The following EXOC4 variants were observed in gnomAD, a reference collection of about 807,000 sequenced individuals.
EXOC4 encodes the protein SEC8-like 1.
EXOC4 carries 71 observed loss-of-function variants against 107.2 expected under a neutral mutation model. The ratio of observed to expected loss-of-function variants is 0.66; its 90% CI spans 0.55 to 0.81. The LOEUF is 0.81. Among genes scored for constraint, EXOC4 ranks in the 30% least tolerant of loss-of-function variants. The pLI is 0.00. For missense variants in EXOC4, 1,108 were observed against 1,189.6 expected (o/e 0.93, Z 1.01); for synonymous variants, 456 against 441.2 (o/e 1.03, Z -0.42).
At chr7:133,873,594 G>A (rs140661250) in intron 11 of EXOC4, among the ~76,000 whole-genome samples, 3 of 152,148 alleles carry the variant, frequency 2.0e-5, no homozygotes, top group Admixed American at 1.3e-4. Flanking sequence ...GTGTTAAAAC[G>A]TCGCCATTAT....
At chr7:133,307,347 G>A (rs1191915834) in intron 4 of EXOC4, among the ~76,000 whole-genome samples, 1 of 152,178 alleles carries the variant, frequency 6.6e-6, no homozygotes, top group Non-Finnish European at 1.5e-5. Context: ...TACCTCAGCA[G>A]AGAGTGAAGT....
chr7:133,701,777 C>G (rs750120122), intron 10 of EXOC4, among the ~76,000 whole-genome samples: 3 of 151,888 alleles, frequency 2.0e-5, no homozygotes, highest in Non-Finnish European at 2.9e-5. Flanking sequence ...AGTCTAAATA[C>G]AAAATTCATT....
chr7:134,010,698 G>A (rs1283785114), intron 17 of EXOC4, among the ~76,000 whole-genome samples: 1 of 152,208 alleles, frequency 6.6e-6, no homozygotes, highest in East Asian at 1.9e-4. Flanking sequence ...CTATAGGAAT[G>A]TTATCTTCTA....
chr7:133,895,484 C>T, intron 11 of EXOC4, 115 bp from the exon 12 acceptor site: 2 of 1,066,844 alleles, frequency 1.9e-6, no homozygotes, highest in Admixed American at 2.0e-5. Flanking sequence ...CAAAATGTCA[C>T]ATTCTTGCAG....
chr7:133,997,154 C>T (rs1276642611), intron 14 of EXOC4, among the ~76,000 whole-genome samples: 1 of 152,186 alleles, frequency 6.6e-6, no homozygotes, highest in Non-Finnish European at 1.5e-5. Flanking sequence ...GATGGAGGCA[C>T]AGACCAGATG....
intron 9 of EXOC4, among the ~76,000 whole-genome samples, chr7:133,606,445 G>C (rs1385557631): frequency 1.3e-5 from 2 of 151,784 alleles, no homozygotes; most frequent in African/African-American, 4.8e-5. Context: ...TCCTAGAGCA[G>C]TTAGAATTAA....
chr7:133,356,721 C>A, intron 6 of EXOC4, 148 bp downstream of exon 6: 1 of 923,506 alleles, frequency 1.1e-6, no homozygotes, highest in Non-Finnish European at 1.6e-6. Flanking sequence ...TGGCTCACGC[C>A]TGTTATCCCA....
At chr7:133,527,885 T>C (rs1800110001) in intron 9 of EXOC4, among the ~76,000 whole-genome samples, 1 of 152,178 alleles carries the variant, frequency 6.6e-6, no homozygotes, top group Admixed American at 6.5e-5. Context: ...GGGGAGATAT[T>C]TACTGTTCAT....
At chr7:133,657,698 T>A (rs1337053151) in intron 10 of EXOC4, among the ~76,000 whole-genome samples, 3 of 152,148 alleles carry the variant, frequency 2.0e-5, no homozygotes, top group Non-Finnish European at 4.4e-5. Context: ...TCTCTGTGCA[T>A]CTTGTAATGG....
chr7:133,510,424 A>T (rs1799747470), intron 9 of EXOC4, among the ~76,000 whole-genome samples: 1 of 152,150 alleles, frequency 6.6e-6, no homozygotes, highest in South Asian at 2.1e-4. Flanking sequence ...GCTGCTGTGA[A>T]CATTGCTCTT....
chr7:133,884,916 A>G (rs547168701), intron 11 of EXOC4, among the ~76,000 whole-genome samples: 1 of 152,342 alleles, frequency 6.6e-6, no homozygotes, highest in African/African-American at 2.4e-5. Flanking sequence ...ATGAATTGCC[A>G]TTATAGAAAA....
At chr7:133,413,387 C>T (rs751369616) in intron 7 of EXOC4, among the ~76,000 whole-genome samples, 16 of 152,074 alleles carry the variant, frequency 1.1e-4, no homozygotes, top group Non-Finnish European at 2.1e-4. Context: ...TTCTTGGGAC[C>T]AATGTAGATA....
intron 7 of EXOC4, among the ~76,000 whole-genome samples, chr7:133,413,828 C>G (rs1391502450): frequency 3.9e-5 from 6 of 152,016 alleles, no homozygotes; most frequent in Non-Finnish European, 8.8e-5. Flanking sequence ...CCTGGTTTGG[C>G]CCATAGTGAC....
intron 10 of EXOC4, among the ~76,000 whole-genome samples, chr7:133,689,771 G>T (rs1794381138): frequency 6.6e-6 from 1 of 152,222 alleles, no homozygotes; most frequent in Non-Finnish European, 1.5e-5. Context: ...AGAGGGCTCA[G>T]AGGAGCCAGA....
At chr7:134,057,024 T>A (rs1418368056) in intron 17 of EXOC4, among the ~76,000 whole-genome samples, 2 of 152,100 alleles carry the variant, frequency 1.3e-5, no homozygotes, top group South Asian at 2.1e-4. Flanking sequence ...ACTTTCAGCG[T>A]CTCCCCAGGA....
At chr7:133,837,063 C>A (rs1184483654) in intron 11 of EXOC4, among the ~76,000 whole-genome samples, 1 of 152,038 alleles carries the variant, frequency 6.6e-6, no homozygotes, top group Admixed American at 6.6e-5. Flanking sequence ...ACTTATTATT[C>A]TTTTGGAAGA....
chr7:133,846,638 T>C (rs529108131), intron 11 of EXOC4, among the ~76,000 whole-genome samples: 1 of 152,368 alleles, frequency 6.6e-6, no homozygotes, highest in East Asian at 1.9e-4. Flanking sequence ...ACAATCTTTT[T>C]CTTTTTGGGC....
intron 1 of EXOC4, among the ~76,000 whole-genome samples, chr7:133,266,711 A>G (rs1360415820): frequency 6.6e-6 from 1 of 152,216 alleles, no homozygotes; most frequent in Admixed American, 6.5e-5. Flanking sequence ...TTGAGTTTTA[A>G]TGTTATGTTC....
At chr7:133,830,282 G>A (rs908955738) in intron 11 of EXOC4, among the ~76,000 whole-genome samples, 3 of 152,154 alleles carry the variant, frequency 2.0e-5, no homozygotes, top group African/African-American at 2.4e-5. Context: ...GAAGTGCTCC[G>A]GTGACCTTGC....
Sources: allele counts gnomAD v4.1 joint callset (sites outside exome capture counted in the v4.1 genomes callset), GRCh38; gene constraint gnomAD v4.1.1; transcripts MANE v1.5; gene names NCBI Gene and HGNC (gene_info 2026-07-23, HGNC 2026-07-21).